The following RCSD1 variants were observed in gnomAD, a reference collection of about 807,000 sequenced individuals.
RCSD1 encodes the protein capZ-interacting protein.
In RCSD1, 26 loss-of-function variants were observed where a neutral mutation model predicts 42.5. The observed-to-expected ratio is 0.61, with a 90% CI of 0.45 to 0.85. RCSD1 has a LOEUF of 0.85. RCSD1 is among the 40% of genes least tolerant of loss of function. RCSD1 has a pLI of 0.00. For missense variants in RCSD1, 571 were observed against 528.3 expected (o/e 1.08, Z -0.79); for synonymous variants, 220 against 212.2 (o/e 1.04, Z -0.32).
intron 1 of RCSD1, among the ~76,000 whole-genome samples, chr1:167,660,763 C>T (rs1043977290): frequency 1.3e-5 from 2 of 152,116 alleles, no homozygotes; most frequent in African/African-American, 4.8e-5. Flanking sequence ...TGTGAGCCGC[C>T]GTGCCCAGCT....
At position 167,705,387 on chromosome 1, in the gene RCSD1, T is replaced by C. The variant is rs1258926184; in HGVS notation, c.*691T>C. Reference sequence around the variant, plus strand: ...CTTTTCCTGTCCTGTGGTTTTCCAGTTGGTGACCACCATGGGAGGTCGCTG... The same window carrying C: ...CTTTTCCTGTCCTGTGGTTTTCCAGCTGGTGACCACCATGGGAGGTCGCTG... On this transcript the variant is annotated 3_prime_UTR_variant, in exon 7 of 7. Transcript: ENST00000367854. The C allele has an allele frequency of 1.3e-5, 2 of 151,994 alleles. No homozygotes were observed. Among genetic ancestry groups the C allele is most frequent in the Non-Finnish European group, 2.9e-5 (2 of 68,004 alleles). 9.4% of individuals were successfully genotyped at this position (151,994 alleles called of 1,614,324 possible). A position where few individuals can be genotyped will look rare whatever the true frequency, so the allele number is the denominator to read the frequency against.
chr1:167,697,106 C>A lies in RCSD1; in HGVS notation c.482C>A (p.Thr161Lys). 6.2e-7 allele frequency: 1 copy of A among 1,612,298 alleles called. No individual in the cohort carries two copies. The highest frequency in any genetic ancestry group is 8.5e-7 in the Non-Finnish European group (1 of 1,179,082). ...SHLPCYNKVR[T>K]RGSIKRRPPS... ...CTTAACACTTTCTTCTAGGTGCGGA[C>A]GAGGGGCTCAATAAAAAGGCGCCCT... is the stretch of plus-strand genomic sequence containing the variant. The change falls in exon 6 of 7, where the codon ACG (threonine) becomes AAG (lysine). Residue 161 changes from threonine to lysine, a missense_variant. Physicochemically the swap from Thr to Lys is moderately conservative, Grantham distance 78 (BLOSUM62 -1). Transcript: ENST00000367854.
intron 5 of RCSD1, 131 bp from the exon 6 acceptor site, chr1:167,696,968 C>A: frequency 1.3e-6 from 1 of 777,638 alleles, no homozygotes; most frequent in Admixed American, 3.1e-5. Flanking sequence ...ATTCGTTCTC[C>A]TGGAAAATTA....
intron 1 of RCSD1, among the ~76,000 whole-genome samples, chr1:167,682,944 A>G (rs551453120): frequency 1.3e-5 from 2 of 152,342 alleles, no homozygotes; most frequent in African/African-American, 4.8e-5. Context: ...CATGTAAAAA[A>G]TCTTATTCAA....
intron 1 of RCSD1, among the ~76,000 whole-genome samples, chr1:167,651,499 T>C (rs1658304232): frequency 6.6e-6 from 1 of 152,242 alleles, no homozygotes; most frequent in African/African-American, 2.4e-5. Flanking sequence ...CACGCCGACC[T>C]GGGCCCAGCT....
At chr1:167,658,917 G>A (rs1658484782) in intron 1 of RCSD1, among the ~76,000 whole-genome samples, 1 of 151,960 alleles carries the variant, frequency 6.6e-6, no homozygotes, top group African/African-American at 2.4e-5. Flanking sequence ...AGTGTAGGGT[G>A]AGCTGAAGGG....
At chr1:167,696,642 G>A (rs1010503063) in intron 5 of RCSD1, among the ~76,000 whole-genome samples, 1 of 151,790 alleles carries the variant, frequency 6.6e-6, no homozygotes, top group African/African-American at 2.4e-5. Context: ...CAGTAGAGAT[G>A]GAGTCTCGCT....
rs762687259 is a variant in RCSD1 at position 167,697,274 on chromosome 1, C to T, written c.650C>T (p.Pro217Leu). ...TCCAAGAGCAAGGCCCCAGGATCCC[C>T]TTTGTCCAGTGAGGGAGCAGCGGGA... ...LPSKSKAPGS[P>L]LSSEGAAGEG... The change falls in exon 6 of 7, where the codon CCT (proline) becomes CTT (leucine). Residue 217 changes from proline (P) to leucine (L), a missense_variant. Physicochemically the swap from Pro to Leu is moderately conservative, Grantham distance 98 (BLOSUM62 -3). Transcript: ENST00000367854. 1.5e-5 allele frequency: 24 copies of T among 1,614,044 alleles called. No individual in the cohort carries two copies. Among genetic ancestry groups the T allele is most frequent in the Middle Eastern group, 3.3e-4 (2 of 6,084 alleles).
intron 1 of RCSD1, among the ~76,000 whole-genome samples, chr1:167,654,732 G>A (rs1281282352): frequency 6.6e-6 from 1 of 152,194 alleles, no homozygotes; most frequent in Non-Finnish European, 1.5e-5. Flanking sequence ...AGGAAGGAGA[G>A]CAGAAAGAAA....
rs1659447094 is a variant in RCSD1, at chr1:167,694,312, A to G, written c.474+10A>G. On this transcript the variant is annotated intron_variant, in intron 5 of 6. Transcript: ENST00000367854. ...GCCCTGTTACAACAAGGTAAATTCT[A>G]GCTCCAGATTATGGCGGTGTGTCTG... 1.2e-6 allele frequency: 2 copies of G among 1,612,390 alleles called. No individual in the cohort carries two copies. The highest frequency in any genetic ancestry group is 3.3e-5 in the Admixed American group (2 of 59,762).
intron 1 of RCSD1, among the ~76,000 whole-genome samples, chr1:167,651,739 C>T (rs1458047454): frequency 1.3e-5 from 2 of 152,146 alleles, no homozygotes; most frequent in Non-Finnish European, 2.9e-5. Context: ...ATTTGGGGTG[C>T]TAGGTCTTCC....
chr1:167,673,599 A>G (rs943874478), intron 1 of RCSD1, among the ~76,000 whole-genome samples: 7 of 152,246 alleles, frequency 4.6e-5, no homozygotes, highest in African/African-American at 1.7e-4. Context: ...CTGAGACTCA[A>G]GAAATCAAGT....
At chr1:167,636,871 C>T (rs138511708) in intron 1 of RCSD1, among the ~76,000 whole-genome samples, 5 of 152,290 alleles carry the variant, frequency 3.3e-5, no homozygotes, top group East Asian at 3.9e-4. Context: ...CAGGCCACCA[C>T]GCCTGGCCCA....
At chr1:167,634,266 C>G (rs1657774872) in intron 1 of RCSD1, among the ~76,000 whole-genome samples, 1 of 152,164 alleles carries the variant, frequency 6.6e-6, no homozygotes, top group Admixed American at 6.5e-5. Flanking sequence ...CCCTAACTGT[C>G]ACCCCGGAAG....
At chr1:167,680,586 T>A (rs1186023164) in intron 1 of RCSD1, among the ~76,000 whole-genome samples, 2 of 152,266 alleles carry the variant, frequency 1.3e-5, no homozygotes, top group Admixed American at 6.5e-5. Context: ...GCCCGAGTGA[T>A]CCTCTCTCCT....
In RCSD1 at chr1:167,697,587, G is replaced by A. The variant is rs1659532409; in HGVS notation, c.963G>A (p.Arg321=). 8.7e-6 allele frequency: 14 copies of A among 1,607,822 alleles called. No individual in the cohort carries two copies. The highest frequency in any genetic ancestry group is 1.1e-5 in the South Asian group (1 of 89,754). The change falls in exon 6 of 7, where the codon AGG becomes AGA. Residue 321 remains arginine, a synonymous_variant. Coordinates refer to ENST00000367854, the MANE Select transcript of RCSD1 (RefSeq NM_052862.4). ...MEKATEVKGE[R]VQNEEVGPEH... Reference sequence around the variant, plus strand: ...AGGCTACAGAGGTGAAGGGGGAGAGGGTGCAAAATGAAGAGGTGGGACCTG... The same window carrying A: ...AGGCTACAGAGGTGAAGGGGGAGAGAGTGCAAAATGAAGAGGTGGGACCTG...
intron 1 of RCSD1, among the ~76,000 whole-genome samples, chr1:167,660,320 T>C (rs1207496329): frequency 6.6e-6 from 1 of 152,154 alleles, no homozygotes; most frequent in East Asian, 1.9e-4. Flanking sequence ...TAATCACGTT[T>C]TGATCACATC....
chr1:167,673,333 G>A (rs1449265336), intron 1 of RCSD1, among the ~76,000 whole-genome samples: 1 of 152,188 alleles, frequency 6.6e-6, no homozygotes, highest in Middle Eastern at 3.2e-3. Context: ...CTGCTTCCGC[G>A]TAATCCTTCT....
rs376910996 is a variant in RCSD1, at chr1:167,694,220, G to A, written c.392G>A (p.Arg131Gln). ...PPSTPSSPGV[R>Q]SRPSEAEEVP... is the part of the protein sequence containing the mutation. ...TCTACCCCCAGCAGCCCTGGTGTGC[G>A]ATCTAGGCCCAGCGAGGCAGAGGAG... The change falls in exon 5 of 7, where the codon CGA becomes CAA. Residue 131 changes from arginine (R) to glutamine (Q), a missense_variant. Coordinates refer to ENST00000367854, the MANE Select transcript of RCSD1 (RefSeq NM_052862.4). The A allele has an allele frequency of 2.8e-5, 45 of 1,614,084 alleles. No homozygotes were observed. Among genetic ancestry groups the A allele is most frequent in the African/African-American group, 2.0e-4 (15 of 74,926 alleles).
Sources: allele counts gnomAD v4.1 joint callset (sites outside exome capture counted in the v4.1 genomes callset), GRCh38; gene constraint gnomAD v4.1.1; transcripts MANE v1.5; gene names NCBI Gene and HGNC (gene_info 2026-07-23, HGNC 2026-07-21).